PIP5K1B: variants seen among roughly 807,000 people sequenced by gnomAD.
PIP5K1B encodes the protein phosphatidylinositol-4-phosphate 5-kinase type 1 beta, also known as phosphatidylinositol 4-phosphate 5-kinase type-1 beta.
PIP5K1B carries 42 observed loss-of-function variants against 67.0 expected under a neutral mutation model. The ratio of observed to expected loss-of-function variants is 0.63; its 90% CI spans 0.49 to 0.81. The LOEUF (loss-of-function observed/expected upper bound fraction) is 0.81. PIP5K1B is among the 30% of genes least tolerant of loss of function. PIP5K1B has a pLI of 0.00. For synonymous variants in PIP5K1B, 214 were observed against 231.4 expected (o/e 0.92, Z 0.68); for missense variants, 459 against 646.3 (o/e 0.71, Z 3.14).
intron 4 of PIP5K1B, among the ~76,000 whole-genome samples, chr9:68,857,242 G>C (rs1264181080): frequency 6.6e-6 from 1 of 152,198 alleles, no homozygotes; most frequent in Non-Finnish European, 1.5e-5. Context: ...AAGCCACTAA[G>C]CTTGTAGTAA....
At chr9:68,714,300 C>G (rs1290615219) in intron 1 of PIP5K1B, among the ~76,000 whole-genome samples, 2 of 152,194 alleles carry the variant, frequency 1.3e-5, no homozygotes, top group African/African-American at 4.8e-5. Flanking sequence ...CCAAGTAGCA[C>G]GATCAGAAAC....
chr9:68,754,405 G>C (rs899345353), intron 2 of PIP5K1B, among the ~76,000 whole-genome samples: 8 of 151,606 alleles, frequency 5.3e-5, no homozygotes, highest in African/African-American at 1.9e-4. Flanking sequence ...TCCCGACCTC[G>C]TGATTCACCC....
chr9:68,936,140 A>T (rs1827255902), intron 13 of PIP5K1B, among the ~76,000 whole-genome samples: 1 of 152,080 alleles, frequency 6.6e-6, no homozygotes, highest in Admixed American at 6.6e-5. Flanking sequence ...TTTTCTGGCC[A>T]TTTGTTGCTA....
At chr9:68,778,884 A>G (rs779197364) in intron 2 of PIP5K1B, among the ~76,000 whole-genome samples, 2 of 152,070 alleles carry the variant, frequency 1.3e-5, no homozygotes, top group Non-Finnish European at 2.9e-5. Context: ...AGCACTTGCT[A>G]TTCTCTCTGC....
chr9:68,941,442 ATGAT>A (rs1827557304), intron 14 of PIP5K1B, among the ~76,000 whole-genome samples: 1 of 152,220 alleles, frequency 6.6e-6, no homozygotes, highest in Non-Finnish European at 1.5e-5. Context: ...TTGCCCTGAT[ATGAT>A]TATTATTCAT....
intron 4 of PIP5K1B, among the ~76,000 whole-genome samples, chr9:68,823,793 G>A (rs1223386451): frequency 2.0e-5 from 3 of 152,134 alleles, no homozygotes; most frequent in African/African-American, 7.2e-5. Context: ...CCTGCAAGAC[G>A]TTTAGTCATA....
chr9:68,910,291 G>C (rs1383082427), intron 8 of PIP5K1B, among the ~76,000 whole-genome samples: 1 of 152,164 alleles, frequency 6.6e-6, no homozygotes, highest in Non-Finnish European at 1.5e-5. Context: ...CCTTGACACA[G>C]TGTATATAAA....
At chr9:68,753,193 T>A (rs1587390111) in intron 2 of PIP5K1B, among the ~76,000 whole-genome samples, 1 of 148,846 alleles carries the variant, frequency 6.7e-6, no homozygotes, top group African/African-American at 2.5e-5. Flanking sequence ...TTTTTTTTTT[T>A]AACATTTTAA....
In PIP5K1B at chr9:69,008,661, G is replaced by A; in HGVS notation, c.*212G>A. On this transcript the variant is annotated 3_prime_UTR_variant, in exon 16 of 16. Transcript: ENST00000265382. ...ATACTACCCTATTCTATCATTTGCT[G>A]TTGCTTGCTGAACTGTGAAGAACTG... is the stretch of plus-strand genomic sequence containing the variant. 1 of 576,242 alleles carries A rather than the reference G, an allele frequency of 1.7e-6. No homozygotes were observed. Among genetic ancestry groups the A allele is most frequent in the Non-Finnish European group, 3.2e-6 (1 of 311,930 alleles). The allele number at this position is 576,242 out of a possible 1,614,324, so 35.7% of individuals were successfully genotyped here.
chr9:68,855,195 T>C (rs7041004), intron 4 of PIP5K1B, among the ~76,000 whole-genome samples: 127,941 of 152,138 alleles, frequency 0.84, 54,921 homozygotes, highest in Non-Finnish European at 0.93. Flanking sequence ...AACTCTCTTT[T>C]CTTGGTTTCA....
intron 12 of PIP5K1B, among the ~76,000 whole-genome samples, chr9:68,926,312 T>C (rs893102577): frequency 2.0e-5 from 3 of 152,156 alleles, no homozygotes; most frequent in Admixed American, 1.3e-4. Context: ...GCATCTTCAG[T>C]TTCATAAAAT....
chr9:68,722,676 A>C (rs1369792177), intron 1 of PIP5K1B, among the ~76,000 whole-genome samples: 1 of 150,740 alleles, frequency 6.6e-6, no homozygotes, highest in Non-Finnish European at 1.5e-5. Flanking sequence ...ATTTATTATT[A>C]GTATATCATA....
At chr9:68,721,093 T>C (rs1827858770) in intron 1 of PIP5K1B, among the ~76,000 whole-genome samples, 2 of 152,154 alleles carry the variant, frequency 1.3e-5, no homozygotes, top group Non-Finnish European at 2.9e-5. Context: ...AAGATAGGGC[T>C]GGAGAGGTGT....
chr9:68,949,401 C>T (rs563209539), intron 14 of PIP5K1B, among the ~76,000 whole-genome samples: 1 of 152,304 alleles, frequency 6.6e-6, no homozygotes, highest in South Asian at 2.1e-4. Context: ...TATAAAAGTT[C>T]TTTGGAAATA....
intron 2 of PIP5K1B, among the ~76,000 whole-genome samples, chr9:68,772,150 T>A (rs1830696009): frequency 6.6e-6 from 1 of 152,222 alleles, no homozygotes; most frequent in Non-Finnish European, 1.5e-5. Flanking sequence ...TGCTTATGAA[T>A]CTCTAGGTTT....
intron 15 of PIP5K1B, among the ~76,000 whole-genome samples, chr9:68,998,349 G>A (rs1026217858): frequency 1.3e-5 from 2 of 152,150 alleles, no homozygotes; most frequent in Non-Finnish European, 2.9e-5. Context: ...ACTGCACCCG[G>A]CTGATTTCCA....
chr9:68,985,346 G>A (rs188405792), intron 14 of PIP5K1B, among the ~76,000 whole-genome samples: 6 of 152,058 alleles, frequency 3.9e-5, no homozygotes, highest in East Asian at 3.9e-4. Flanking sequence ...CCGTCTTCCG[G>A]ATTCAAGCAA....
At chr9:68,819,849 G>A (rs1466259372) in intron 3 of PIP5K1B, among the ~76,000 whole-genome samples, 1 of 152,012 alleles carries the variant, frequency 6.6e-6, no homozygotes, top group Non-Finnish European at 1.5e-5. Flanking sequence ...AATAACTCTT[G>A]AATCCAGATG....
At position 68,971,578 on chromosome 9, in the gene PIP5K1B, C is replaced by T. The variant is rs534230364; in HGVS notation, c.1503-19562C>T. On this transcript the variant is annotated intron_variant, in intron 14 of 15. Coordinates refer to ENST00000265382, the MANE Select transcript of PIP5K1B (RefSeq NM_003558.4). ...CCTTGAGGAACTGCCACACTCTCTT[C>T]CACAATGGTTGAACTAGTTTACAGT... 4.6e-5 allele frequency among the ~76,000 whole-genome samples: 7 copies of T among 152,332 alleles called. No homozygotes were observed. In the East Asian group the frequency reaches 1.4e-3, roughly 29 times the overall value.
Sources: gnomAD v4.1 joint callset for allele counts (sites outside exome capture counted in the v4.1 genomes callset) on GRCh38, gnomAD v4.1.1 for gene constraint, MANE v1.5 for transcripts, NCBI Gene and HGNC (gene_info 2026-07-23, HGNC 2026-07-21) for gene names.